CC2D1A: variants seen among roughly 807,000 people sequenced by gnomAD.
CC2D1A encodes the protein coiled-coil and C2 domain-containing protein 1A.
CC2D1A carries 68 observed loss-of-function variants against 123.8 expected under a neutral mutation model. The observed-to-expected ratio is 0.55, with a 90% CI of 0.45 to 0.67. The LOEUF (loss-of-function observed/expected upper bound fraction) is 0.67, where lower values mean the gene tolerates loss of function less well. Among genes scored for constraint, CC2D1A ranks in the 30% least tolerant of loss-of-function variants. The pLI is 0.00. For synonymous variants in CC2D1A, 477 were observed against 528.0 expected, an observed-to-expected ratio of 0.90 and a Z score of 1.32; for missense variants, 1,185 against 1,290.3, an observed-to-expected ratio of 0.92 and a Z score of 1.25.
chr19:13,917,513 G>A (rs1599388282), intron 6 of CC2D1A, among the ~76,000 whole-genome samples: 1 of 152,304 alleles, frequency 6.6e-6, no homozygotes, highest in East Asian at 1.9e-4. Context: ...GGAGGCCAAG[G>A]TGAGCAGATC....
chr19:13,929,689 G>C lies in CC2D1A; in HGVS notation c.2710+29G>C, dbSNP rs1385206404. The C allele has an allele frequency of 1.3e-5, 20 of 1,492,006 alleles. No homozygotes were observed. The East Asian group carries it at 4.8e-4, about 36-fold the overall frequency. The allele number at this position is 1,492,006 out of a possible 1,614,324, so 92.4% of individuals were successfully genotyped here. A position where few individuals can be genotyped will look rare whatever the true frequency, so the allele number is the denominator to read the frequency against. On this transcript the variant is annotated intron_variant, in intron 26 of 28. Coordinates refer to ENST00000318003, the MANE Select transcript of CC2D1A (RefSeq NM_017721.5). Reference sequence around the variant, plus strand: ...GGGGTTTGGAGATGGGCATCTGGTGGGGGAGGAGCTCCAGGATAGGCATGG... The same window carrying C: ...GGGGTTTGGAGATGGGCATCTGGTGCGGGAGGAGCTCCAGGATAGGCATGG...
Position 13,906,402 on chromosome 19 carries a change from C to T in CC2D1A, c.-40C>T. On this transcript the variant is annotated 5_prime_UTR_variant, in exon 1 of 29. Transcript: ENST00000318003. This position sits in a 1 kb window ranked among gnomAD's most constrained non-coding sequence, Gnocchi z 4.1. ...CCCGGGGAAGGAGGCAGGGCAAGGC[C>T]GGGCTTGGGGGCAGGTGGTCCGGGC... 2 of 1,490,608 alleles carry T rather than the reference C, an allele frequency of 1.3e-6. No individual in the cohort carries two copies. Among genetic ancestry groups the T allele is most frequent in the Non-Finnish European group, 8.9e-7 (1 of 1,118,156 alleles). 92.3% of individuals were successfully genotyped at this position (1,490,608 alleles called of 1,614,324 possible). A position where few individuals can be genotyped will look rare whatever the true frequency, so the allele number is the denominator to read the frequency against.
chr19:13,923,865 G>A lies in CC2D1A; in HGVS notation c.1940+54G>A, dbSNP rs995013973. On this transcript the variant is annotated intron_variant, in intron 17 of 28. Coordinates refer to ENST00000318003, the MANE Select transcript of CC2D1A (RefSeq NM_017721.5). The surrounding 1 kb of genome is among the most constrained non-coding windows in gnomAD (Gnocchi z 5.3). ...GTGGCCCCAGTGGCCCTTTGGTGGC[G>A]GTGGGGCGGGTTGTGCTCCCCAGAA... 4.7e-5 allele frequency: 63 copies of A among 1,352,326 alleles called. No homozygotes were observed. The highest frequency in any genetic ancestry group is 6.0e-5 in the Non-Finnish European group (57 of 944,904). The allele number at this position is 1,352,326 out of a possible 1,614,324, so 83.8% of individuals were successfully genotyped here.
In CC2D1A at chr19:13,928,174, G is replaced by A. The variant is rs1267829182; in HGVS notation, c.2505G>A (p.Arg835=). The A allele has an allele frequency of 1.9e-6, 3 of 1,613,380 alleles. No individual in the cohort carries two copies. The African/African-American group carries it at 4.0e-5, about 22-fold the overall frequency. Reference sequence around the variant, plus strand: ...CCCCTCCTGTGCCTGCCCCTGCAAGGGAGTCAGGGAACAGGTAGGTATCTG... The same window carrying A: ...CCCCTCCTGTGCCTGCCCCTGCAAGAGAGTCAGGGAACAGGTAGGTATCTG... The part of the protein sequence containing the change: ...GKAPPVPAPA[R]ESGNRSARPL... The change falls in exon 24 of 29, where the codon AGG becomes AGA. Residue 835 remains arginine, a synonymous_variant. Coordinates refer to ENST00000318003, the MANE Select transcript of CC2D1A (RefSeq NM_017721.5).
In CC2D1A at chr19:13,909,938, T is replaced by G; in HGVS notation, c.176T>G (p.Leu59Arg). The change falls in exon 2 of 29, where the codon CTG becomes CGG. Residue 59 changes from leucine to arginine, a missense_variant. Transcript: ENST00000318003. ...TTGGTCGGGGGCCAGCCCCCAGCCC[T>G]GGAGAAGCTCAAAGGCAAAGGTGAG... ...LALVGGQPPA[L>R]EKLKGKGPLP... 1 of 1,520,868 alleles carries G rather than the reference T, an allele frequency of 6.6e-7. No individual in the cohort carries two copies. The highest frequency in any genetic ancestry group is 8.8e-7 in the Non-Finnish European group (1 of 1,134,680). 94.2% of individuals were successfully genotyped at this position (1,520,868 alleles called of 1,614,324 possible).
At chr19:13,927,341 T>C in intron 22 of CC2D1A, 76 bp downstream of exon 22, 1 of 1,261,082 alleles carries the variant, frequency 7.9e-7, no homozygotes, top group Non-Finnish European at 1.2e-6. Flanking sequence ...ACTTCCTGCC[T>C]TGAGCCCTCT....
Position 13,923,472 on chromosome 19 carries a change from C to T in CC2D1A, c.1764+17C>T, listed in dbSNP as rs770238570. ...CAGCACGAGGTGAGGGGGAGGCCCC[C>T]AGCCCATCCCCCAGGAGCGTGACCC... On this transcript the variant is annotated intron_variant, in intron 15 of 28. Coordinates refer to ENST00000318003, the MANE Select transcript of CC2D1A (RefSeq NM_017721.5). The surrounding 1 kb of genome is among the most constrained non-coding windows in gnomAD (Gnocchi z 5.3). 5.6e-6 allele frequency: 9 copies of T among 1,614,024 alleles called. No individual in the cohort carries two copies. The highest frequency in any genetic ancestry group is 7.6e-6 in the Non-Finnish European group (9 of 1,180,000).
At chr19:13,914,882 C>A (rs1448148731) in intron 6 of CC2D1A, among the ~76,000 whole-genome samples, 1 of 152,198 alleles carries the variant, frequency 6.6e-6, no homozygotes, top group Non-Finnish European at 1.5e-5. Context: ...TTCTTCCTAA[C>A]CTCCCCCTAG....
intron 24 of CC2D1A, among the ~76,000 whole-genome samples, chr19:13,928,696 C>T (rs2145375677): frequency 6.6e-6 from 1 of 150,478 alleles, no homozygotes; most frequent in African/African-American, 2.4e-5. Flanking sequence ...CCCCAGTGCC[C>T]AGTGTGTCTT....
At position 13,912,590 on chromosome 19, in the gene CC2D1A, C is replaced by G; in HGVS notation, c.375C>G (p.Ala125=). The G allele has an allele frequency of 6.2e-7, 1 of 1,613,894 alleles. No homozygotes were observed. The highest frequency in any genetic ancestry group is 8.5e-7 in the Non-Finnish European group (1 of 1,179,972). Residue 125 remains alanine (A), a synonymous_variant, in exon 4 of 29, where the codon GCC becomes GCG. Coordinates refer to ENST00000318003, the MANE Select transcript of CC2D1A (RefSeq NM_017721.5). ...CTTCAGAGACCCCACCTCCTGTGGC[C>G]CAGGTACAGTTTGGATGACTCCACT... The part of the protein sequence containing the change: ...QKASETPPPV[A]QPKPEAPHPG...
At chr19:13,922,729 G>C (rs1291560316) in intron 14 of CC2D1A, among the ~76,000 whole-genome samples, 1 of 152,076 alleles carries the variant, frequency 6.6e-6, no homozygotes, top group Admixed American at 6.6e-5. Context: ...CTAGCGCACA[G>C]TAGGGGCTCC....
intron 9 of CC2D1A, 23 bp from the exon 10 acceptor site, chr19:13,918,889 C>T (rs754413580): frequency 6.8e-6 from 11 of 1,606,974 alleles, no homozygotes; most frequent in South Asian, 5.5e-5. Flanking sequence ...TGACTCTTAA[C>T]CTTGTCCCCC....
chr19:13,929,415 G>A lies in CC2D1A; in HGVS notation c.2556G>A (p.Ala852=), dbSNP rs779247588. 1.1e-5 allele frequency: 17 copies of A among 1,613,412 alleles called. No homozygotes were observed. Among genetic ancestry groups the A allele is most frequent in the African/African-American group, 2.7e-5 (2 of 74,840 alleles). The change falls in exon 25 of 29, where the codon GCG becomes GCA. Residue 852 remains alanine (A), a synonymous_variant. Coordinates refer to ENST00000318003, the MANE Select transcript of CC2D1A (RefSeq NM_017721.5). ...ARPLHSLSVL[A]FDQERLERKI... ...CCCTGCATAGCCTCAGTGTGCTGGCGTTTGACCAAGAGCGTCTGGAGCGGA... is the reference window on the plus strand; with the variant it reads ...CCCTGCATAGCCTCAGTGTGCTGGCATTTGACCAAGAGCGTCTGGAGCGGA...
intron 2 of CC2D1A, among the ~76,000 whole-genome samples, chr19:13,910,407 CAAAAAA>C (rs766322114): frequency 2.4e-5 from 1 of 40,886 alleles, no homozygotes; most frequent in Non-Finnish European, 5.4e-5. Flanking sequence ...GACTCCGTCT[CAAAAAA>C]AAAAAAAAAA....
chr19:13,926,683 T>C lies in CC2D1A; in HGVS notation c.2031T>C (p.Asp677=), dbSNP rs2145366473. The C allele has an allele frequency of 6.2e-7, 1 of 1,614,164 alleles. No homozygotes were observed. Among genetic ancestry groups the C allele is most frequent in the Non-Finnish European group, 8.5e-7 (1 of 1,180,034 alleles). ...TGCCCACAGGACTGTCCCCTGGCGA[T>C]CTGGATGTCTTTGTTCGGTTTGACT... ...LPTPPGLSPG[D]LDVFVRFDFP... is the part of the protein sequence containing the mutation. Residue 677 remains aspartate, a synonymous_variant, in exon 19 of 29, where the codon GAT becomes GAC. Transcript: ENST00000318003.
chr19:13,919,829 A>G lies in CC2D1A; in HGVS notation c.1234A>G (p.Ile412Val), dbSNP rs191830054. The G allele has an allele frequency of 2.8e-3, 4,443 of 1,603,876 alleles. 5 individuals carry two copies. Among genetic ancestry groups the G allele is most frequent in the Admixed American group, 4.2e-3 (248 of 59,520 alleles). ...GACTGGCCACCCAGGCTTCCCCCCA[A>G]TCCAGGGCCTGGAGGCCACCAAGCC... is the stretch of plus-strand genomic sequence containing the variant. ...ELPVPPGFPPIQGLEATKPTQ... is the reference protein window; with the variant it reads ...ELPVPPGFPPVQGLEATKPTQ... The change falls in exon 12 of 29, where the codon ATC (isoleucine) becomes GTC (valine). Residue 412 changes from isoleucine to valine, a missense_variant. Coordinates refer to ENST00000318003, the MANE Select transcript of CC2D1A (RefSeq NM_017721.5).
chr19:13,929,334 G>A, intron 24 of CC2D1A, 45 bp from the exon 25 acceptor site: 1 of 1,597,162 alleles, frequency 6.3e-7, no homozygotes, highest in Non-Finnish European at 8.6e-7. Flanking sequence ...ACAGGGTTGG[G>A]CTGGGGGAAT....
In CC2D1A at chr19:13,923,309, C is replaced by G. The variant is rs372837238; in HGVS notation, c.1642-24C>G. 34 of 1,592,106 alleles carry G rather than the reference C, an allele frequency of 2.1e-5. No individual in the cohort carries two copies. The South Asian group carries it at 3.5e-4, about 16-fold the overall frequency. On this transcript the variant is annotated intron_variant, in intron 14 of 28. Coordinates refer to ENST00000318003, the MANE Select transcript of CC2D1A (RefSeq NM_017721.5). The surrounding 1 kb of genome is among the most constrained non-coding windows in gnomAD (Gnocchi z 5.3). ...TGGGCCTGCTTGTCCTCCTTACCCC[C>G]GCCACCAGCCTCGTCCTCCCCAGGT...
chr19:13,929,547 G>A lies in CC2D1A; in HGVS notation c.2597G>A (p.Arg866Lys), dbSNP rs748339374. ...ERLERKILAL[R>K]QARRPVPPEV... ...TGTATCCTCTAGATCCTGGCCCTCA[G>A]GCAGGCGCGGCGGCCGGTGCCCCCA... is the stretch of plus-strand genomic sequence containing the variant. Residue 866 changes from arginine to lysine, a missense_variant, in exon 26 of 29, where the codon AGG (arginine) becomes AAG (lysine). By Grantham distance (26) the Arg-to-Lys change is conservative. Transcript: ENST00000318003. 11 of 1,611,566 alleles carry A rather than the reference G, an allele frequency of 6.8e-6. No homozygotes were observed. Among genetic ancestry groups the A allele is most frequent in the Non-Finnish European group, 9.3e-6 (11 of 1,179,744 alleles).
Sources: allele counts gnomAD v4.1 joint callset (sites outside exome capture counted in the v4.1 genomes callset), GRCh38; gene constraint gnomAD v4.1.1; non-coding constraint Gnocchi (gnomAD v3.1); transcripts MANE v1.5; gene names NCBI Gene and HGNC (gene_info 2026-07-23, HGNC 2026-07-21).